The following MACROD2 variants were observed in gnomAD, a reference collection of about 807,000 sequenced individuals.
MACROD2 encodes the protein mono-ADP ribosylhydrolase 2.
MACROD2 carries 36 observed loss-of-function variants against 70.4 expected under a neutral mutation model. That is an observed-to-expected ratio of 0.51 (90% CI 0.39 to 0.68). The LOEUF (loss-of-function observed/expected upper bound fraction) is 0.68. Among genes scored for constraint, MACROD2 ranks in the 30% least tolerant of loss-of-function variants. The pLI, the probability that MACROD2 is intolerant of heterozygous loss-of-function variation, is 0.00. For synonymous variants in MACROD2, 172 were observed against 178.8 expected (o/e 0.96, Z 0.30); for missense variants, 496 against 538.4 (o/e 0.92, Z 0.78).
chr20:14,652,585 A>G (rs1985734108), intron 4 of MACROD2, among the ~76,000 whole-genome samples: 1 of 152,200 alleles, frequency 6.6e-6, no homozygotes, highest in Non-Finnish European at 1.5e-5. Context: ...CTCGAAAACC[A>G]TTGACATTTT....
In MACROD2 at chr20:14,202,823, T is replaced by G. The variant is rs2081490362; in HGVS notation, c.271+117095T>G. 2.6e-5 allele frequency among the ~76,000 whole-genome samples: 4 copies of G among 152,172 alleles called. No individual in the cohort carries two copies. The South Asian group carries it at 8.3e-4, about 32-fold the overall frequency. On this transcript the variant is annotated intron_variant, in intron 3 of 17. Transcript: ENST00000684519. ...TAGTACTTTGGGAGACCAAGGTGGG[T>G]GGATCACTTGAGGTCAGGAGTTTGA...
At chr20:15,149,280 T>A (rs1040857583) in intron 5 of MACROD2, among the ~76,000 whole-genome samples, 5 of 152,006 alleles carry the variant, frequency 3.3e-5, no homozygotes, top group Admixed American at 6.5e-5. Context: ...AATGAGAGGT[T>A]CTAAGAGGTG....
At chr20:14,350,514 T>C (rs2083113718) in intron 3 of MACROD2, among the ~76,000 whole-genome samples, 1 of 152,166 alleles carries the variant, frequency 6.6e-6, no homozygotes, top group Non-Finnish European at 1.5e-5. Flanking sequence ...ATTAGTGGTG[T>C]CAATCACTTT....
At chr20:15,308,959 CAT>C (rs2077725114) in intron 6 of MACROD2, among the ~76,000 whole-genome samples, 1 of 152,186 alleles carries the variant, frequency 6.6e-6, no homozygotes, top group Non-Finnish European at 1.5e-5. Flanking sequence ...TTCTTTAACT[CAT>C]GAGCAGCTTT....
At position 14,044,533 on chromosome 20, in the gene MACROD2, C is replaced by G. The variant is rs959739292; in HGVS notation, c.164-41088C>G. On this transcript the variant is annotated intron_variant, in intron 2 of 17. Transcript: ENST00000684519. The stretch of plus-strand genomic sequence containing the variant: ...ACAGAGAGCTGATTGGTGTGTTTTA[C>G]AGAGAGCTGATTGGTCCGTTTTGAC... Among the ~76,000 whole-genome samples the G allele has an allele frequency of 2.0e-5, 3 of 152,094 alleles. No individual in the cohort carries two copies. In the East Asian group the frequency reaches 5.8e-4, roughly 29 times the overall value.
chr20:14,723,802 C>T (rs903248446), intron 5 of MACROD2, among the ~76,000 whole-genome samples: 2 of 151,844 alleles, frequency 1.3e-5, no homozygotes, highest in Non-Finnish European at 2.9e-5. Flanking sequence ...AGATTGCATA[C>T]GTATGTGTTA....
At chr20:15,127,188 C>A (rs2076073164) in intron 5 of MACROD2, among the ~76,000 whole-genome samples, 1 of 152,014 alleles carries the variant, frequency 6.6e-6, no homozygotes, top group African/African-American at 2.4e-5. Context: ...AACTCTTCAA[C>A]CAAAGATCCT....
intron 6 of MACROD2, among the ~76,000 whole-genome samples, chr20:15,232,889 CA>C (rs1488460673): frequency 6.6e-6 from 1 of 151,938 alleles, no homozygotes; most frequent in Non-Finnish European, 1.5e-5. Flanking sequence ...ATAGATTCTT[CA>C]AATATTTTTA....
At chr20:14,170,328 C>T (rs1390112335) in intron 3 of MACROD2, among the ~76,000 whole-genome samples, 12 of 152,116 alleles carry the variant, frequency 7.9e-5, no homozygotes, top group African/African-American at 2.9e-4. Flanking sequence ...GATTTAGATC[C>T]CCTTTATTTC....
intron 6 of MACROD2, 35 bp downstream of exon 6, chr20:15,230,096 T>A: frequency 6.3e-7 from 1 of 1,596,034 alleles, no homozygotes; most frequent in Non-Finnish European, 8.6e-7. Context: ...TCTCACTCTT[T>A]TTCAACCTTT....
At chr20:14,974,519 G>C (rs1341819432) in intron 5 of MACROD2, among the ~76,000 whole-genome samples, 1 of 152,134 alleles carries the variant, frequency 6.6e-6, no homozygotes, top group East Asian at 1.9e-4. Context: ...CAGTATCCTA[G>C]TGCAGTATCT....
chr20:15,456,029 G>A (rs6043291), intron 7 of MACROD2, among the ~76,000 whole-genome samples: 1 of 152,096 alleles, frequency 6.6e-6, no homozygotes, highest in Admixed American at 6.6e-5. Context: ...ATGTCTCCGC[G>A]AAAGTGGGCT....
intron 5 of MACROD2, among the ~76,000 whole-genome samples, chr20:15,094,619 T>C (rs1294838535): frequency 1.3e-5 from 2 of 152,188 alleles, no homozygotes; most frequent in Non-Finnish European, 2.9e-5. Flanking sequence ...GTTTTTTTGT[T>C]TTGTTTTTCC....
At chr20:14,359,353 T>C (rs548762272) in intron 3 of MACROD2, among the ~76,000 whole-genome samples, 4 of 152,154 alleles carry the variant, frequency 2.6e-5, no homozygotes, top group Admixed American at 6.5e-5. Context: ...AGAGAACTCA[T>C]GCACATTTTT....
At chr20:14,587,996 T>C (rs894067686) in intron 4 of MACROD2, among the ~76,000 whole-genome samples, 1 of 152,144 alleles carries the variant, frequency 6.6e-6, no homozygotes, top group African/African-American at 2.4e-5. Flanking sequence ...GACCATACTT[T>C]TCTATTTTCC....
chr20:15,362,434 T>TA (rs755978111), intron 6 of MACROD2, among the ~76,000 whole-genome samples: 13 of 141,180 alleles, frequency 9.2e-5, no homozygotes, highest in Non-Finnish European at 1.5e-4. Context: ...AGGTTTTTTT[T>TA]ATAGGTATAC....
intron 5 of MACROD2, among the ~76,000 whole-genome samples, chr20:14,714,219 G>A (rs1432106722): frequency 6.6e-6 from 1 of 152,058 alleles, no homozygotes; most frequent in East Asian, 1.9e-4. Context: ...CAGGAGGCAG[G>A]GTGCAGGATA....
chr20:14,022,290 A>G (rs1020555206), intron 2 of MACROD2, among the ~76,000 whole-genome samples: 3 of 152,220 alleles, frequency 2.0e-5, no homozygotes, highest in East Asian at 1.9e-4. Flanking sequence ...ATTTCTTTCA[A>G]TAAATGCAAA....
At chr20:14,187,316 C>T (rs2081353355) in intron 3 of MACROD2, among the ~76,000 whole-genome samples, 1 of 152,006 alleles carries the variant, frequency 6.6e-6, no homozygotes, top group African/African-American at 2.4e-5. Flanking sequence ...CCCAGTAAAA[C>T]CACTGATACG....
Sources: gnomAD v4.1 joint callset for allele counts (sites outside exome capture counted in the v4.1 genomes callset) on GRCh38, gnomAD v4.1.1 for gene constraint, MANE v1.5 for transcripts, NCBI Gene and HGNC (gene_info 2026-07-23, HGNC 2026-07-21) for gene names.